Variants in MYO16 observed in about 807,000 individuals in gnomAD.
MYO16 encodes myosin XVI, also known as unconventional myosin-XVI.
Under a neutral mutation model 205.3 loss-of-function variants are expected in MYO16, and 94 were observed. The ratio of observed to expected loss-of-function variants is 0.46; its 90% CI spans 0.39 to 0.54. The LOEUF is 0.54. Ranked by LOEUF, MYO16 falls within the 20% of genes least tolerant of loss-of-function variation. The pLI, the probability that MYO16 is intolerant of heterozygous loss-of-function variation, is 0.00. For synonymous variants in MYO16, 988 were observed against 954.0 expected (o/e 1.04, Z -0.66); for missense variants, 2,315 against 2,387.5 (o/e 0.97, Z 0.63).
chr13:108,844,280 T>G, intron 9 of MYO16, 63 bp from the exon 10 acceptor site: 6 of 1,414,576 alleles, frequency 4.2e-6, no homozygotes, highest in Non-Finnish European at 4.8e-6. Context: ...CCTGTATTGG[T>G]AATTTTCGAT....
the MYO16 span, among the ~76,000 whole-genome samples, chr13:108,520,223 G>T: frequency 6.6e-6 from 1 of 151,920 alleles, no homozygotes; most frequent in African/African-American, 2.4e-5. Context: ...CGTAAGATCT[G>T]TCTGGTATGC....
intron 4 of MYO16, among the ~76,000 whole-genome samples, chr13:108,764,607 T>C (rs1271526711): frequency 1.3e-5 from 2 of 152,116 alleles, no homozygotes; most frequent in Admixed American, 6.5e-5. Context: ...GGAAATGCAA[T>C]ATAAATGACT....
intron 1 of MYO16, among the ~76,000 whole-genome samples, chr13:108,623,321 G>T (rs1299573952): frequency 6.6e-6 from 1 of 152,158 alleles, no homozygotes; most frequent in Admixed American, 6.6e-5. Context: ...GGATATTTCA[G>T]TGTACATTCT....
intron 9 of MYO16, among the ~76,000 whole-genome samples, chr13:108,838,678 A>ATAT (rs1555304221): frequency 0.14 from 17,574 of 124,152 alleles, 1,975 homozygotes; most frequent in East Asian, 0.62. Flanking sequence ...AAAAAAAAAA[A>ATAT]ATATATATAT....
intron 20 of MYO16, among the ~76,000 whole-genome samples, chr13:108,968,085 A>G (rs2139381754): frequency 6.6e-6 from 1 of 152,338 alleles, no homozygotes; most frequent in South Asian, 2.1e-4. Flanking sequence ...ACGCAAGCAC[A>G]GTTTCGCTCC....
At chr13:109,029,883 C>T (rs1181420629) in intron 23 of MYO16, among the ~76,000 whole-genome samples, 2 of 152,144 alleles carry the variant, frequency 1.3e-5, no homozygotes, top group Non-Finnish European at 2.9e-5. Flanking sequence ...AGAGAATCTT[C>T]TGCTTCTTCA....
At chr13:109,199,114 G>A (rs149247728) in intron 34 of MYO16, among the ~76,000 whole-genome samples, 2 of 147,746 alleles carry the variant, frequency 1.4e-5, no homozygotes, top group African/African-American at 5.0e-5. Flanking sequence ...TCAGATCAAA[G>A]GTTAATTAAC....
Position 109,140,866 on chromosome 13 carries a change from G to T in MYO16, c.4654G>T (p.Val1552Leu), listed in dbSNP as rs766099356. 6.3e-7 allele frequency: 1 copy of T among 1,595,900 alleles called. No individual in the cohort carries two copies. The highest frequency in any genetic ancestry group is 1.7e-5 in the Admixed American group (1 of 58,566). Residue 1552 changes from valine (V) to leucine (L), a missense_variant, in exon 32 of 35, where the codon GTG becomes TTG. By Grantham distance (32) the Val-to-Leu change is conservative (BLOSUM62 1). Coordinates refer to ENST00000457511, the MANE Select transcript of MYO16 (RefSeq NM_001198950.3). This position sits in a 1 kb window ranked among gnomAD's most constrained non-coding sequence, Gnocchi z 8.0. ...CCTGGAGACCAACCTCAAGTACCCC[G>T]TGCAGCCGGAGGGGTCGAGCCCGCT... ...PVLETNLKYP[V>L]QPEGSSPLSP... is the part of the protein sequence containing the mutation.
At chr13:108,552,815 A>G in the MYO16 span, among the ~76,000 whole-genome samples, 1 of 152,088 alleles carries the variant, frequency 6.6e-6, no homozygotes, top group East Asian at 2.0e-4. Flanking sequence ...CAGGAAGCCC[A>G]AGGTCAAGGT....
intron 19 of MYO16, 58 bp from the exon 20 acceptor site, chr13:108,964,703 T>G (rs1192125733): frequency 1.9e-5 from 30 of 1,574,068 alleles, no homozygotes; most frequent in Non-Finnish European, 2.6e-5. Flanking sequence ...GAGTTTTGGT[T>G]GGCTTCTAAA....
intron 16 of MYO16, among the ~76,000 whole-genome samples, chr13:108,921,289 G>A (rs886439080): frequency 6.6e-6 from 1 of 152,162 alleles, no homozygotes; most frequent in Non-Finnish European, 1.5e-5. Flanking sequence ...GACCTGCTGG[G>A]TGGGTTGGCC....
At chr13:108,765,260 A>G (rs890679058) in intron 4 of MYO16, among the ~76,000 whole-genome samples, 8 of 152,082 alleles carry the variant, frequency 5.3e-5, no homozygotes, top group Non-Finnish European at 1.0e-4. Flanking sequence ...AATATCATTA[A>G]GTATTGTTAA....
At chr13:109,008,224 T>C (rs1885463357) in intron 21 of MYO16, among the ~76,000 whole-genome samples, 1 of 152,222 alleles carries the variant, frequency 6.6e-6, no homozygotes, top group African/African-American at 2.4e-5. Context: ...GGTTGGAAAC[T>C]CCCTGAGTCA....
At chr13:108,859,788 A>G (rs746787442) in intron 11 of MYO16, among the ~76,000 whole-genome samples, 11 of 152,170 alleles carry the variant, frequency 7.2e-5, no homozygotes, top group Non-Finnish European at 1.5e-4. Flanking sequence ...TTACAAGCAC[A>G]TTAGTGGGAC....
At chr13:108,683,969 G>A (rs1566548537) in intron 2 of MYO16, among the ~76,000 whole-genome samples, 2 of 152,158 alleles carry the variant, frequency 1.3e-5, no homozygotes, top group South Asian at 4.1e-4. Context: ...TCCGCCTCCC[G>A]GGTTTAAGTG....
At chr13:108,634,976 A>T (rs972272097) in intron 1 of MYO16, among the ~76,000 whole-genome samples, 1 of 152,150 alleles carries the variant, frequency 6.6e-6, no homozygotes, top group Non-Finnish European at 1.5e-5. Flanking sequence ...TTATATATCT[A>T]GGCATTGTTT....
At chr13:108,603,724 CAA>C in intron 1 of MYO16, among the ~76,000 whole-genome samples, 1 of 152,240 alleles carries the variant, frequency 6.6e-6, no homozygotes, top group South Asian at 2.1e-4. Flanking sequence ...GTTAAATGAA[CAA>C]AGGCAGTTCA....
intron 3 of MYO16, among the ~76,000 whole-genome samples, chr13:108,719,979 A>G (rs1884097668): frequency 6.6e-6 from 1 of 152,208 alleles, no homozygotes; most frequent in Non-Finnish European, 1.5e-5. Context: ...AAAGGATAAC[A>G]GGTTTTTAGG....
At position 108,671,648 on chromosome 13, in the gene MYO16, G is replaced by T. The variant is rs530161522; in HGVS notation, c.292+5499G>T. ...AAATTAAAATATTTGGCTCTAGAGG[G>T]TGTCTGTTCAGCTCAGTCTGCTATA... On this transcript the variant is annotated intron_variant, in intron 2 of 34. Transcript: ENST00000457511. Among the ~76,000 whole-genome samples, 6 of 152,248 alleles carry T rather than the reference G, an allele frequency of 3.9e-5. No individual in the cohort carries two copies. In the South Asian group the frequency reaches 1.0e-3, roughly 26 times the overall value.
Sources: gnomAD v4.1 joint callset for allele counts (sites outside exome capture counted in the v4.1 genomes callset) on GRCh38, gnomAD v4.1.1 for gene constraint, Gnocchi (gnomAD v3.1) non-coding constraint, MANE v1.5 for transcripts, NCBI Gene and HGNC (gene_info 2026-07-23, HGNC 2026-07-21) for gene names.